The following ADAMTS9 variants were observed in gnomAD, a reference collection of about 807,000 sequenced individuals.
ADAMTS9 encodes ADAM metallopeptidase with thrombospondin type 1 motif 9.
In ADAMTS9, 107 loss-of-function variants were observed where a neutral mutation model predicts 257.1. That is an observed-to-expected ratio of 0.42 (90% confidence interval 0.36 to 0.49). The LOEUF (loss-of-function observed/expected upper bound fraction) is 0.49. Ranked by LOEUF, ADAMTS9 falls within the 20% of genes least tolerant of loss-of-function variation. ADAMTS9 has a pLI of 0.03. For synonymous variants in ADAMTS9, 982 were observed against 880.9 expected (o/e 1.11, Z -2.03); for missense variants, 2,353 against 2,469.1 (o/e 0.95, Z 1.00).
intron 26 of ADAMTS9, among the ~76,000 whole-genome samples, chr3:64,600,418 G>A (rs1241564398): frequency 1.3e-5 from 2 of 152,130 alleles, no homozygotes; most frequent in Admixed American, 6.5e-5. Flanking sequence ...ATTACCCATC[G>A]CCACAAAAAG....
chr3:64,544,384 C>G (rs1275315063), intron 32 of ADAMTS9, among the ~76,000 whole-genome samples: 2 of 152,124 alleles, frequency 1.3e-5, no homozygotes, highest in Admixed American at 6.5e-5. Flanking sequence ...CTACAGTAAC[C>G]AAAACAGCAT....
In ADAMTS9 at chr3:64,568,252, C is replaced by A. The variant is rs966306786; in HGVS notation, c.4524+116G>T. The A allele has an allele frequency of 4.6e-6, 5 of 1,088,504 alleles. No individual in the cohort carries two copies. In the African/African-American group the frequency reaches 8.0e-5, roughly 17 times the overall value. The allele number at this position is 1,088,504 out of a possible 1,614,324, so 67.4% of individuals were successfully genotyped here. On this transcript the variant is annotated intron_variant, in intron 29 of 39. Coordinates refer to ENST00000498707, the MANE Select transcript of ADAMTS9 (RefSeq NM_182920.2). ...TAGGTAATGATTCTCCCCTCCCAGT[C>A]CCCGAGCTCCCCTCGGTAAAACCAA...
intron 38 of ADAMTS9, among the ~76,000 whole-genome samples, chr3:64,531,454 G>C (rs749461052): frequency 6.6e-6 from 1 of 150,474 alleles, no homozygotes; most frequent in African/African-American, 2.5e-5. Flanking sequence ...ATTGTAAACA[G>C]TGTTCATTGT....
chr3:64,601,222 C>T (rs564312729), intron 26 of ADAMTS9, among the ~76,000 whole-genome samples: 20 of 152,272 alleles, frequency 1.3e-4, no homozygotes, highest in Middle Eastern at 3.4e-3. Flanking sequence ...GCAGGCGGGG[C>T]GCAAAGCACT....
chr3:64,614,310 CA>C (rs1231162061), intron 21 of ADAMTS9, among the ~76,000 whole-genome samples: 1 of 152,090 alleles, frequency 6.6e-6, no homozygotes, highest in Non-Finnish European at 1.5e-5. Flanking sequence ...TAAGCAAAGG[CA>C]ATTTGTTAAC....
At chr3:64,561,475 C>T in intron 30 of ADAMTS9, 103 bp downstream of exon 30, 1 of 1,314,918 alleles carries the variant, frequency 7.6e-7, no homozygotes. Context: ...AGCATTGTAA[C>T]CGTGCTCGGT....
At chr3:64,578,232 T>C (rs2083904506) in intron 28 of ADAMTS9, among the ~76,000 whole-genome samples, 1 of 151,898 alleles carries the variant, frequency 6.6e-6, no homozygotes, top group African/African-American at 2.4e-5. Context: ...ACTCTCAATA[T>C]GCATTATTCA....
At chr3:64,530,688 C>T (rs1203908902) in intron 38 of ADAMTS9, among the ~76,000 whole-genome samples, 3 of 152,122 alleles carry the variant, frequency 2.0e-5, no homozygotes, top group African/African-American at 4.8e-5. Flanking sequence ...CTGGCTGAAA[C>T]GGTAGTAACT....
intron 26 of ADAMTS9, among the ~76,000 whole-genome samples, chr3:64,599,965 G>C (rs968439706): frequency 5.3e-5 from 8 of 151,494 alleles, no homozygotes; most frequent in Non-Finnish European, 7.4e-5. Flanking sequence ...CTGAGACAGA[G>C]CCCTGAAGAT....
chr3:64,659,391 C>A (rs1701167417), intron 3 of ADAMTS9, among the ~76,000 whole-genome samples: 1 of 151,690 alleles, frequency 6.6e-6, no homozygotes, highest in Non-Finnish European at 1.5e-5. Context: ...TTGCTTGAAC[C>A]CAGGAGGCAG....
intron 3 of ADAMTS9, among the ~76,000 whole-genome samples, chr3:64,659,725 T>C (rs1305230647): frequency 6.6e-6 from 1 of 152,176 alleles, no homozygotes; most frequent in Non-Finnish European, 1.5e-5. Flanking sequence ...TAAATTAAAC[T>C]CCGAGAGTCT....
At chr3:64,537,419 A>G (rs1010957246) in intron 37 of ADAMTS9, among the ~76,000 whole-genome samples, 1 of 152,194 alleles carries the variant, frequency 6.6e-6, no homozygotes, top group African/African-American at 2.4e-5. Flanking sequence ...GAAGCCATCA[A>G]TTGCCCTAAA....
intron 3 of ADAMTS9, among the ~76,000 whole-genome samples, chr3:64,662,791 T>C (rs1357801411): frequency 6.6e-6 from 1 of 152,020 alleles, no homozygotes; most frequent in East Asian, 1.9e-4. Flanking sequence ...AAGTTGGGTA[T>C]CCCTTATCTG....
At position 64,604,099 on chromosome 3, in the gene ADAMTS9, G is replaced by C. The variant is rs779289247; in HGVS notation, c.3580-10C>G. 3.7e-6 allele frequency: 6 copies of C among 1,613,786 alleles called. No homozygotes were observed. The highest frequency in any genetic ancestry group is 5.1e-6 in the Non-Finnish European group (6 of 1,179,850). On this transcript the variant is annotated splice_polypyrimidine_tract_variant and intron_variant, in intron 24 of 39. Transcript: ENST00000498707. Reference sequence around the variant, plus strand: ...CACAAGTGGCTGAGCACTGGGTGTTGGAGTAAAATCATGCAGTTATATTAC... The same window carrying C: ...CACAAGTGGCTGAGCACTGGGTGTTCGAGTAAAATCATGCAGTTATATTAC...
intron 28 of ADAMTS9, among the ~76,000 whole-genome samples, chr3:64,580,427 T>C (rs1218935735): frequency 6.6e-6 from 1 of 152,206 alleles, no homozygotes; most frequent in Non-Finnish European, 1.5e-5. Flanking sequence ...GCAAACTCTC[T>C]ACAGCCAGTC....
intron 11 of ADAMTS9, among the ~76,000 whole-genome samples, chr3:64,644,946 T>G (rs1019514720): frequency 6.6e-6 from 1 of 152,190 alleles, no homozygotes; most frequent in Non-Finnish European, 1.5e-5. Flanking sequence ...AAAACTGATA[T>G]GGAAATTAAA....
Position 64,627,428 on chromosome 3 carries a change from A to G in ADAMTS9, c.2389+4027T>C, listed in dbSNP as rs1250921826. 5.9e-5 allele frequency among the ~76,000 whole-genome samples: 9 copies of G among 152,240 alleles called. No individual in the cohort carries two copies. In the South Asian group the frequency reaches 1.9e-3, roughly 32 times the overall value. ...TTTATCTTGCACTGCATCGATTCCCATCTTCCCATTGCCACAATTAATCAA... is the reference window on the plus strand; with the variant it reads ...TTTATCTTGCACTGCATCGATTCCCGTCTTCCCATTGCCACAATTAATCAA... On this transcript the variant is annotated intron_variant, in intron 16 of 39. Coordinates refer to ENST00000498707, the MANE Select transcript of ADAMTS9 (RefSeq NM_182920.2).
At chr3:64,616,957 A>G (rs1024256847) in intron 19 of ADAMTS9, among the ~76,000 whole-genome samples, 3 of 152,110 alleles carry the variant, frequency 2.0e-5, no homozygotes, top group Admixed American at 6.5e-5. Context: ...TCAGGGTAAA[A>G]AAGAGTTCTG....
At chr3:64,664,158 C>T (rs1482442265) in intron 3 of ADAMTS9, among the ~76,000 whole-genome samples, 1 of 152,068 alleles carries the variant, frequency 6.6e-6, no homozygotes, top group Non-Finnish European at 1.5e-5. Flanking sequence ...TTAATCAGAA[C>T]GGGCTACCTA....
Sources: gnomAD v4.1 joint callset for allele counts (sites outside exome capture counted in the v4.1 genomes callset) on GRCh38, gnomAD v4.1.1 for gene constraint, MANE v1.5 for transcripts, NCBI Gene and HGNC (gene_info 2026-07-23, HGNC 2026-07-21) for gene names.